The following ZNF880 variants were observed in gnomAD, a reference collection of about 807,000 sequenced individuals.
The protein encoded by ZNF880 is zinc finger protein 880.
ZNF880 carries 12 observed loss-of-function variants against 11.8 expected under a neutral mutation model. The observed-to-expected ratio is 1.02, with a 90% confidence interval of 0.65 to 1.65. The LOEUF (loss-of-function observed/expected upper bound fraction) is 1.65. Among genes scored for constraint, ZNF880 ranks in the 40% most tolerant of loss-of-function variants. ZNF880 has a pLI of 0.00. For synonymous variants in ZNF880, 210 were observed against 232.4 expected (o/e 0.90, Z 0.88); for missense variants, 601 against 673.9 (o/e 0.89, Z 1.20).
chr19:52,372,264 G>A (rs930810584), intron 1 of ZNF880, among the ~76,000 whole-genome samples: 1 of 150,246 alleles, frequency 6.7e-6, no homozygotes, highest in Non-Finnish European at 1.5e-5. Context: ...TTCTTATGTT[G>A]TCCACAAAAT....
upstream of ZNF880, chr19:52,367,562 G>A (rs162117): frequency 0.15 from 23,091 of 151,892 alleles, 1,871 homozygotes; most frequent in African/African-American, 0.21. Flanking sequence ...AAAAGTGTGT[G>A]TGTGTGTATG....
intron 3 of ZNF880, among the ~76,000 whole-genome samples, chr19:52,376,509 C>CCTTT: frequency 1.7e-5 from 1 of 58,324 alleles, no homozygotes; most frequent in Non-Finnish European, 2.9e-5. Context: ...CCCCCCCCCC[C>CCTTT]TTTTTTTTTT....
Position 52,382,643 on chromosome 19 carries a change from A to T in ZNF880, c.269-1206A>T, listed in dbSNP as rs1020546633. ...GCCTGCAAAGTTTCTGTTGAAAAATACACATAATCTTATACAGTTTCCCTT... is the reference window on the plus strand; with the variant it reads ...GCCTGCAAAGTTTCTGTTGAAAAATTCACATAATCTTATACAGTTTCCCTT... On this transcript the variant is annotated intron_variant, in intron 3 of 3. Transcript: ENST00000422689. Among the ~76,000 whole-genome samples the T allele has an allele frequency of 3.0e-4, 45 of 152,216 alleles. 1 individual carries two copies. Among genetic ancestry groups the T allele is most frequent in the Non-Finnish European group, 5.9e-5 (4 of 68,032 alleles).
chr19:52,384,915 C>T lies in ZNF880; in HGVS notation c.1335C>T (p.Phe445=). 2 of 1,601,820 alleles carry T rather than the reference C, an allele frequency of 1.2e-6. No homozygotes were observed. Among genetic ancestry groups the T allele is most frequent in the African/African-American group, 1.3e-5 (1 of 74,722 alleles). The stretch of plus-strand genomic sequence containing the variant: ...AATGTAAAGAATGTGCCAAGGTCTT[C>T]AGGCATAGATTATCCCTAAGCAATC... ...PYKCKECAKV[F]RHRLSLSNHQ... Residue 445 remains phenylalanine (F), a synonymous_variant, in exon 4 of 4, where the codon TTC becomes TTT. Coordinates refer to ENST00000422689, the MANE Select transcript of ZNF880 (RefSeq NM_001145434.2).
the ZNF880 span, chr19:52,391,655 C>T: frequency 1.3e-5 from 2 of 152,278 alleles, no homozygotes; most frequent in East Asian, 3.9e-4. Flanking sequence ...ATAAACATCA[C>T]ATTTGTTTAA....
At chr19:52,367,712 T>TTTG (rs2308248), upstream of ZNF880, 124,051 of 151,702 alleles carry the variant, frequency 0.82, 50,987 homozygotes, top group African/African-American at 0.88. Flanking sequence ...TCAAAATCAC[T>TTTG]TTAATAGTAC....
At chr19:52,368,204 C>T (rs1483987705), upstream of ZNF880, among the ~76,000 whole-genome samples, 2 of 41,480 alleles carry the variant, frequency 4.8e-5, no homozygotes, top group African/African-American at 1.4e-4. Flanking sequence ...GGCTCCGTCT[C>T]AAAAAAAAAA....
intron 1 of ZNF880, among the ~76,000 whole-genome samples, chr19:52,371,154 T>A (rs1291979119): frequency 1.3e-5 from 2 of 152,192 alleles, no homozygotes; most frequent in Non-Finnish European, 2.9e-5. Context: ...TGAAATTACA[T>A]CTTATATATT....
upstream of ZNF880, among the ~76,000 whole-genome samples, chr19:52,368,749 A>G (rs1444514536): frequency 2.6e-5 from 4 of 152,126 alleles, no homozygotes; most frequent in East Asian, 7.7e-4. Context: ...TCTATGTTTA[A>G]TACATTTCTT....
At chr19:52,381,530 G>T (rs1269339690) in intron 3 of ZNF880, among the ~76,000 whole-genome samples, 1 of 152,058 alleles carries the variant, frequency 6.6e-6, no homozygotes, top group Non-Finnish European at 1.5e-5. Context: ...GTTTTCTTCT[G>T]ATTGCAAAGT....
At chr19:52,390,429 C>T (rs1367975439), downstream of ZNF880, 4 of 330,866 alleles carry the variant, frequency 1.2e-5, no homozygotes, top group African/African-American at 6.7e-5. Flanking sequence ...ATCGGGGGCC[C>T]TTCTGCTCCC....
intron 3 of ZNF880, among the ~76,000 whole-genome samples, chr19:52,381,756 C>T (rs1993530): frequency 0.36 from 54,913 of 151,834 alleles, 10,212 homozygotes; most frequent in South Asian, 0.51. Context: ...TAGATTTTCT[C>T]TTTGTGGTTA....
chr19:52,393,491 GA>G, the ZNF880 span, among the ~76,000 whole-genome samples: 1 of 151,786 alleles, frequency 6.6e-6, no homozygotes, highest in African/African-American at 2.4e-5. Flanking sequence ...ATGAGAAAGG[GA>G]AAAAATACTT....
At chr19:52,390,414 C>T (rs2058703539), downstream of ZNF880, 9 of 351,956 alleles carry the variant, frequency 2.6e-5, 1 homozygote, top group South Asian at 1.6e-4. Flanking sequence ...CCTTTTTCCT[C>T]CTTGATCGGG....
chr19:52,372,778 C>T (rs1425773631), intron 1 of ZNF880, among the ~76,000 whole-genome samples: 22 of 149,252 alleles, frequency 1.5e-4, no homozygotes, highest in African/African-American at 3.2e-4. Flanking sequence ...GGCGTGGTGG[C>T]GGGCGCCTGT....
In ZNF880 at chr19:52,383,863, T is replaced by C; in HGVS notation, c.283T>C (p.Leu95=). 5 of 1,545,210 alleles carry C rather than the reference T, an allele frequency of 3.2e-6. No individual in the cohort carries two copies. Among genetic ancestry groups the C allele is most frequent in the Non-Finnish European group, 4.4e-6 (5 of 1,147,300 alleles). The change falls in exon 4 of 4, where the codon TTG becomes CTG. Residue 95 remains leucine, a synonymous_variant. Coordinates refer to ENST00000422689, the MANE Select transcript of ZNF880 (RefSeq NM_001145434.2). ...TTCTTTTTTAGAGAGCAGCTCTAAA[T>C]TGGGAAGCAATGCCGGAAACAAGTC... The part of the protein sequence containing the change: ...KGVNAESSSK[L]GSNAGNKSLK...
At chr19:52,374,807 G>A (rs1304956331) in intron 3 of ZNF880, 5 of 467,956 alleles carry the variant, frequency 1.1e-5, no homozygotes, top group Non-Finnish European at 1.5e-5. Flanking sequence ...TGTGATCGTA[G>A]CCCGTGTACC....
chr19:52,380,686 C>T (rs747132123), intron 3 of ZNF880, among the ~76,000 whole-genome samples: 22 of 151,962 alleles, frequency 1.4e-4, no homozygotes, highest in Non-Finnish European at 2.9e-4. Context: ...CTTTCTTGTT[C>T]CGTTGTTTTA....
At chr19:52,378,301 G>A (rs1986611450) in intron 3 of ZNF880, among the ~76,000 whole-genome samples, 2 of 152,152 alleles carry the variant, frequency 1.3e-5, no homozygotes, top group South Asian at 4.1e-4. Flanking sequence ...AACGGGAGTA[G>A]GTGGCTCTTC....
Sources: gnomAD v4.1 joint callset for allele counts (sites outside exome capture counted in the v4.1 genomes callset) on GRCh38, gnomAD v4.1.1 for gene constraint, MANE v1.5 for transcripts, NCBI Gene and HGNC (gene_info 2026-07-23, HGNC 2026-07-21) for gene names.